Variants in MAP4K3 observed in about 807,000 individuals in gnomAD.
MAP4K3 encodes the protein MAPK/ERK kinase kinase kinase 3.
MAP4K3 carries 94 observed loss-of-function variants against 143.5 expected under a neutral mutation model. The observed-to-expected ratio is 0.65, with a 90% CI of 0.55 to 0.78. The LOEUF (loss-of-function observed/expected upper bound fraction) is 0.78. MAP4K3 is among the 30% of genes least tolerant of loss of function. The pLI is 0.00. For synonymous variants in MAP4K3, 416 were observed against 347.2 expected, an observed-to-expected ratio of 1.20 and a Z score of -2.20; for missense variants, 1,077 against 1,068.1, an observed-to-expected ratio of 1.01 and a Z score of -0.12.
rs181236274 is a variant in MAP4K3 at position 39,258,700 on chromosome 2, T to C, written c.2309-113A>G. On this transcript the variant is annotated intron_variant, in intron 29 of 33. Coordinates refer to ENST00000263881, the MANE Select transcript of MAP4K3 (RefSeq NM_003618.4). ...CAATACTTGAAACGGATATGTCTTC[T>C]GTAATACACATGTAGTGACTGAGCC... 1,752 of 788,756 alleles carry C rather than the reference T, an allele frequency of 2.2e-3. 7 individuals are homozygous for C. Among genetic ancestry groups the C allele is most frequent in the Non-Finnish European group, 2.2e-3 (1,024 of 456,544 alleles). 48.9% of individuals were successfully genotyped at this position (788,756 alleles called of 1,614,324 possible). A position where few individuals can be genotyped will look rare whatever the true frequency, so the allele number is the denominator to read the frequency against.
intron 2 of MAP4K3, among the ~76,000 whole-genome samples, chr2:39,363,054 A>G (rs932018773): frequency 6.6e-6 from 1 of 152,252 alleles, no homozygotes; most frequent in African/African-American, 2.4e-5. Context: ...TAATTTATTA[A>G]ATACTTGAAT....
chr2:39,415,952 C>CAAAAAAAAAAAAAAAA lies in MAP4K3; in HGVS notation c.96+20924_96+20939dup, dbSNP rs1192060497. 7.5e-4 allele frequency among the ~76,000 whole-genome samples: 2 copies of CAAAAAAAAAAAAAAAA among 2,658 alleles called. 1 individual carries two copies. Among genetic ancestry groups the CAAAAAAAAAAAAAAAA allele is most frequent in the African/African-American group, 1.7e-3 (2 of 1,154 alleles). 1.7% of individuals were successfully genotyped at this position (2,658 alleles called of 152,430 possible). ...TGGGCGAGAGAGCAAGGCTCTGTCTCAAAAAAAAAAAAAAAAAAAAAAAAA... is the reference window on the plus strand; with the variant it reads ...TGGGCGAGAGAGCAAGGCTCTGTCTCAAAAAAAAAAAAAAAAAAAAAAAAAAAAAAAAAAAAAAAAA... On this transcript the variant is annotated intron_variant, in intron 1 of 33. Transcript: ENST00000263881.
In MAP4K3 at chr2:39,299,218, A is replaced by T. The variant is rs144479070; in HGVS notation, c.1178+525T>A. The stretch of plus-strand genomic sequence containing the variant: ...AAACCTCTGTGCCTCTATCAATTAG[A>T]CAGTGCCTGGTGTAGAAGAGGCATT... On this transcript the variant is annotated intron_variant, in intron 16 of 33. Transcript: ENST00000263881. Among the ~76,000 whole-genome samples the T allele has an allele frequency of 1.6e-4, 25 of 152,226 alleles. No homozygotes were observed. The East Asian group carries it at 4.3e-3, about 26-fold the overall frequency.
intron 1 of MAP4K3, among the ~76,000 whole-genome samples, chr2:39,399,129 C>T (rs1439394216): frequency 6.6e-6 from 1 of 151,884 alleles, no homozygotes; most frequent in Non-Finnish European, 1.5e-5. Flanking sequence ...CACGAAATTC[C>T]CAATCTATCA....
At chr2:39,344,007 C>G (rs1034758930) in intron 3 of MAP4K3, among the ~76,000 whole-genome samples, 1 of 152,110 alleles carries the variant, frequency 6.6e-6, no homozygotes, top group East Asian at 1.9e-4. Context: ...TTATATAGGT[C>G]ATTCCTTTGT....
At chr2:39,368,498 C>A (rs754916020) in intron 2 of MAP4K3, among the ~76,000 whole-genome samples, 1 of 151,850 alleles carries the variant, frequency 6.6e-6, no homozygotes, top group Non-Finnish European at 1.5e-5. Context: ...GAGACCCAGT[C>A]TCTACAAAAA....
At chr2:39,356,028 T>C (rs1337357426) in intron 3 of MAP4K3, 1 of 421,984 alleles carries the variant, frequency 2.4e-6, no homozygotes, top group East Asian at 4.4e-5. Context: ...TTGCCAGCAT[T>C]TTCACTAAAA....
At chr2:39,313,831 A>G (rs1456668857) in intron 13 of MAP4K3, among the ~76,000 whole-genome samples, 1 of 152,152 alleles carries the variant, frequency 6.6e-6, no homozygotes. Flanking sequence ...CTAGTTTGAA[A>G]TAGCATACAC....
rs191442133 is a variant in MAP4K3, at chr2:39,289,089, T to C, written c.1315-809A>G. Among the ~76,000 whole-genome samples the C allele has an allele frequency of 2.4e-3, 364 of 152,236 alleles. 2 individuals are homozygous for C. Among genetic ancestry groups the C allele is most frequent in the African/African-American group, 8.5e-3 (353 of 41,552 alleles). ...AACAAAAAAACAAAAAACGTTATCA[T>C]GTTGGAGAATACAAACATAGCAATA... On this transcript the variant is annotated intron_variant, in intron 19 of 33. Transcript: ENST00000263881.
At chr2:39,337,703 G>A (rs1319701936) in intron 4 of MAP4K3, 122 bp from the exon 5 acceptor site, 2 of 486,246 alleles carry the variant, frequency 4.1e-6, no homozygotes, top group African/African-American at 4.1e-5. Flanking sequence ...TGAAATGTAA[G>A]CTAGGACTAC....
intron 4 of MAP4K3, among the ~76,000 whole-genome samples, chr2:39,339,665 C>T (rs966754066): frequency 5.9e-5 from 9 of 152,046 alleles, no homozygotes; most frequent in African/African-American, 1.2e-4. Flanking sequence ...TAGACAAGCA[C>T]GACGATAACT....
intron 17 of MAP4K3, 61 bp downstream of exon 17, chr2:39,293,169 A>C (rs1682122855): frequency 9.3e-6 from 11 of 1,184,842 alleles, no homozygotes; most frequent in South Asian, 1.4e-5. Context: ...ACAGAGAAGA[A>C]GGCAAACTGA....
chr2:39,278,394 C>A lies in MAP4K3; in HGVS notation c.1794+13G>T. On this transcript the variant is annotated intron_variant, in intron 24 of 33. Transcript: ENST00000263881. ...AAAAATTAAAAAAAAAAAGAATATA[C>A]AAAATAACATACCTGTTCCATTGAT... 6 of 1,484,034 alleles carry A rather than the reference C, an allele frequency of 4.0e-6. No individual in the cohort carries two copies. The highest frequency in any genetic ancestry group is 1.3e-5 in the South Asian group (1 of 77,296). 91.9% of individuals were successfully genotyped at this position (1,484,034 alleles called of 1,614,324 possible).
chr2:39,397,405 T>C (rs1255582180), intron 1 of MAP4K3, among the ~76,000 whole-genome samples: 2 of 152,228 alleles, frequency 1.3e-5, no homozygotes, highest in Admixed American at 1.3e-4. Flanking sequence ...TAAATATTTG[T>C]ATATTTTCAC....
At chr2:39,408,763 T>C (rs1216164547) in intron 1 of MAP4K3, among the ~76,000 whole-genome samples, 1 of 151,896 alleles carries the variant, frequency 6.6e-6, no homozygotes, top group Non-Finnish European at 1.5e-5. Flanking sequence ...TTGATGGAGA[T>C]GAGTGCTTCT....
Position 39,343,437 on chromosome 2 carries a change from C to G in MAP4K3, c.261G>C (p.Trp87Cys). 1 of 1,613,072 alleles carries G rather than the reference C, an allele frequency of 6.2e-7. No individual in the cohort carries two copies. Among genetic ancestry groups the G allele is most frequent in the Non-Finnish European group, 8.5e-7 (1 of 1,179,436 alleles). Reference protein sequence around the residue: ...FGSYLRRDKLWICMEFCGGGS... With the variant: ...FGSYLRRDKLCICMEFCGGGS... ...CACCTCCACAAAACTCCATGCAAAT[C>G]CAAAGCTTATCTCGCCTATAAAGAG... Residue 87 changes from tryptophan (W) to cysteine (C), a missense_variant, in exon 4 of 34, where the codon TGG becomes TGC. Around this residue, in one of 2 missense-constraint regions of MAP4K3, gnomAD observed 213 missense variants for 266.8 expected, o/e 0.80. Coordinates refer to ENST00000263881, the MANE Select transcript of MAP4K3 (RefSeq NM_003618.4).
intron 15 of MAP4K3, among the ~76,000 whole-genome samples, chr2:39,305,629 G>C (rs990059669): frequency 6.6e-6 from 1 of 152,076 alleles, no homozygotes; most frequent in East Asian, 1.9e-4. Flanking sequence ...TCTTCTGCCC[G>C]AACTAACCTA....
chr2:39,382,104 G>C (rs1666369386), intron 1 of MAP4K3, among the ~76,000 whole-genome samples: 1 of 152,214 alleles, frequency 6.6e-6, no homozygotes, highest in African/African-American at 2.4e-5. Context: ...GAGCCTTTCA[G>C]AGGCCATTCA....
chr2:39,336,070 T>C lies in MAP4K3; in HGVS notation c.414+850A>G, dbSNP rs971655624. ...AAAATCTAAACTGGGGAGATGGCAG[T>C]ATCTTTAGAAATATGCTAAGGATTC... On this transcript the variant is annotated intron_variant, in intron 6 of 33. Coordinates refer to ENST00000263881, the MANE Select transcript of MAP4K3 (RefSeq NM_003618.4). Among the ~76,000 whole-genome samples the C allele has an allele frequency of 7.2e-5, 11 of 152,122 alleles. No individual in the cohort carries two copies. In the East Asian group the frequency reaches 1.9e-3, roughly 27 times the overall value.
Sources: gnomAD v4.1 joint callset for allele counts (sites outside exome capture counted in the v4.1 genomes callset) on GRCh38, gnomAD v4.1.1 for gene constraint, gnomAD v4.1.1 regional missense constraint, MANE v1.5 for transcripts, NCBI Gene and HGNC (gene_info 2026-07-23, HGNC 2026-07-21) for gene names.